ATP2B3: variants seen among roughly 807,000 people sequenced by gnomAD.
ATP2B3 encodes the protein ATPase plasma membrane Ca2+ transporting 3.
In ATP2B3, 12 loss-of-function variants were observed where a neutral mutation model predicts 70.8. The observed-to-expected ratio is 0.17, with a 90% CI of 0.11 to 0.27. The LOEUF (loss-of-function observed/expected upper bound fraction) is 0.27. Among genes scored for constraint, ATP2B3 ranks in the 10% least tolerant of loss-of-function variants. The probability of loss-of-function intolerance (pLI) is 1.00; values close to 1 mark genes in which losing one functional copy is unlikely to be tolerated. For synonymous variants in ATP2B3, 460 were observed against 497.8 expected, an observed-to-expected ratio of 0.92 and a Z score of 1.01; for missense variants, 858 against 1,118.5, an observed-to-expected ratio of 0.77 and a Z score of 3.32.
chrX:153,578,577 C>A (rs1233712672), intron 21 of ATP2B3, among the ~76,000 whole-genome samples: 4 of 112,588 alleles, frequency 3.6e-5, no homozygotes, highest in Non-Finnish European at 7.5e-5. Context: ...GAAGGGCTCG[C>A]TCCTGGAGCA....
chrX:153,574,108 G>A (rs782027271), intron 21 of ATP2B3, among the ~76,000 whole-genome samples: 3 of 113,015 alleles, frequency 2.7e-5, no homozygotes, highest in Non-Finnish European at 5.6e-5. Flanking sequence ...AAGTGAGGCC[G>A]AAGCCATCTT....
At chrX:153,552,508 G>A (rs1569534781) in intron 12 of ATP2B3, among the ~76,000 whole-genome samples, 1 of 112,036 alleles carries the variant, frequency 8.9e-6, no homozygotes, top group Non-Finnish European at 1.9e-5. Flanking sequence ...AGTCATGAGC[G>A]CTCTACTGAG....
intron 5 of ATP2B3, 113 bp downstream of exon 5, chrX:153,542,039 T>C: frequency 1.3e-6 from 1 of 791,563 alleles, no homozygotes; most frequent in Non-Finnish European, 1.6e-6. Context: ...CTGCGTGTCG[T>C]CACCTGCCTT....
At chrX:153,548,416 C>G (rs782013446) in intron 9 of ATP2B3, among the ~76,000 whole-genome samples, 62 of 111,763 alleles carry the variant, frequency 5.5e-4, no homozygotes, top group African/African-American at 1.9e-3. Context: ...CACTCCCCAA[C>G]CCCAGCAGCA....
chrX:153,580,129 A>T lies in ATP2B3; in HGVS notation c.3494A>T (p.Asp1165Val). The change falls in exon 22 of 22, where the codon GAC becomes GTC. Residue 1165 changes from aspartate (D) to valine (V), a missense_variant. This residue lies in a region of ATP2B3 where 265 missense variants were observed against 305.3 expected (regional missense o/e 0.87). Transcript: ENST00000263519. ...CCGCTCATTGACGACACGGACGTGG[A>T]CGAGAACGAGGAGCGCCTCCGGGCC... ...NIPLIDDTDV[D>V]ENEERLRAPP... 1.6e-6 allele frequency: 2 copies of T among 1,212,290 alleles called. No individual in the cohort carries two copies. The highest frequency in any genetic ancestry group is 2.2e-6 in the Non-Finnish European group (2 of 895,639).
chrX:153,573,295 C>T (rs1169925772), intron 21 of ATP2B3, among the ~76,000 whole-genome samples: 1 of 112,601 alleles, frequency 8.9e-6, no homozygotes, highest in Non-Finnish European at 1.9e-5. Context: ...CTGGACACTC[C>T]TTTCCAGGGC....
In ATP2B3 at chrX:153,581,675, T is replaced by C. The variant is rs1603143719; in HGVS notation, c.*1377T>C. ...AGCACCTGGATGGACTCCCACTGTT[T>C]GCTTTGGCAAATGCCGAGGAGTCCT... On this transcript the variant is annotated 3_prime_UTR_variant, in exon 22 of 22. Coordinates refer to ENST00000263519, the MANE Select transcript of ATP2B3 (RefSeq NM_001001344.3). 1 of 113,195 alleles carries C rather than the reference T, an allele frequency of 8.8e-6. No homozygotes were observed. Among genetic ancestry groups the C allele is most frequent in the South Asian group, 3.6e-4 (1 of 2,803 alleles). 9.3% of individuals were successfully genotyped at this position (113,195 alleles called of 1,213,427 possible).
chrX:153,540,220 C>T (rs782097688), intron 3 of ATP2B3, among the ~76,000 whole-genome samples: 20 of 112,502 alleles, frequency 1.8e-4, no homozygotes, highest in Admixed American at 2.8e-4. Context: ...GCCTTGTCTG[C>T]ACCCTGCAGA....
chrX:153,519,558 C>A, intron 2 of ATP2B3, among the ~76,000 whole-genome samples: 1 of 111,992 alleles, frequency 8.9e-6, no homozygotes, highest in East Asian at 2.8e-4. Context: ...GCTGGGGATG[C>A]CTGGGCCCCT....
At chrX:153,560,559 G>C (rs2090609325) in intron 18 of ATP2B3, 117 bp from the exon 19 acceptor site, 4 of 830,532 alleles carry the variant, frequency 4.8e-6, no homozygotes, top group Non-Finnish European at 6.8e-6. Flanking sequence ...TGAGCTGGAA[G>C]TGGCCATCCC....
intron 21 of ATP2B3, among the ~76,000 whole-genome samples, chrX:153,576,008 C>T (rs1001385548): frequency 8.9e-6 from 1 of 111,979 alleles, no homozygotes; most frequent in Non-Finnish European, 1.9e-5. Flanking sequence ...TCCAGCCCAA[C>T]CTGACCCTCC....
Position 153,580,851 on chromosome X carries a change from C to T in ATP2B3, c.*553C>T, listed in dbSNP as rs187231986. ...GCCACCTGAGGGAGCCGCCTGCAAG[C>T]GGCCCTGCAGCCACAAAGCAACCCG... On this transcript the variant is annotated 3_prime_UTR_variant, in exon 22 of 22. Coordinates refer to ENST00000263519, the MANE Select transcript of ATP2B3 (RefSeq NM_001001344.3). The T allele has an allele frequency of 2.4e-4, 27 of 112,756 alleles. No individual in the cohort carries two copies. In the East Asian group the frequency reaches 6.8e-3, roughly 29 times the overall value. 9.3% of individuals were successfully genotyped at this position (112,756 alleles called of 1,213,427 possible). A position where few individuals can be genotyped will look rare whatever the true frequency, so the allele number is the denominator to read the frequency against.
chrX:153,559,407 G>C (rs1324850771), intron 17 of ATP2B3: 2 of 285,954 alleles, frequency 7.0e-6, no homozygotes, highest in Non-Finnish European at 1.2e-5. Flanking sequence ...AGGTGCAGGA[G>C]ACAAGGAGAG....
intron 19 of ATP2B3, 31 bp from the exon 20 acceptor site, chrX:153,562,104 G>A: frequency 2.5e-6 from 3 of 1,186,924 alleles, no homozygotes; most frequent in Non-Finnish European, 3.4e-6. Flanking sequence ...GCCGCGGCTG[G>A]ACCTGCCTCT....
At chrX:153,529,990 C>G (rs1438672916) in intron 2 of ATP2B3, among the ~76,000 whole-genome samples, 3 of 112,711 alleles carry the variant, frequency 2.7e-5, no homozygotes, top group Non-Finnish European at 5.6e-5. Flanking sequence ...GTTGCATCCA[C>G]CTTTTGGCTA....
chrX:153,577,213 C>T (rs782636894), intron 21 of ATP2B3, among the ~76,000 whole-genome samples: 2 of 113,092 alleles, frequency 1.8e-5, no homozygotes, highest in Non-Finnish European at 3.7e-5. Context: ...CTGGAGTAGC[C>T]GGTGAGACCG....
At chrX:153,548,109 G>A in intron 9 of ATP2B3, 110 bp downstream of exon 9, 1 of 1,001,184 alleles carries the variant, frequency 1.0e-6, no homozygotes, top group Non-Finnish European at 1.3e-6. Context: ...GGATGTGGCA[G>A]GTGATGTGTG....
intron 8 of ATP2B3, among the ~76,000 whole-genome samples, chrX:153,547,505 G>A (rs1279942090): frequency 9.0e-6 from 1 of 111,414 alleles, no homozygotes; most frequent in Non-Finnish European, 1.9e-5. Context: ...TCGGGCCACA[G>A]GCCTCTGCTC....
intron 2 of ATP2B3, among the ~76,000 whole-genome samples, chrX:153,525,351 G>A (rs2090016239): frequency 8.9e-6 from 1 of 112,142 alleles, no homozygotes; most frequent in Non-Finnish European, 1.9e-5. Context: ...GGGGTGTGAT[G>A]GTGGCACAGG....
Sources: allele counts gnomAD v4.1 joint callset (sites outside exome capture counted in the v4.1 genomes callset), GRCh38; gene constraint gnomAD v4.1.1; regional missense constraint gnomAD v4.1.1; transcripts MANE v1.5; gene names NCBI Gene and HGNC (gene_info 2026-07-23, HGNC 2026-07-21).